The following GBX1 variants were observed in gnomAD, a reference collection of about 807,000 sequenced individuals.
GBX1 encodes the protein homeobox protein GBX-1.
A neutral mutation model predicts 22.9 loss-of-function variants in GBX1; 9 were observed. The ratio of observed to expected loss-of-function variants is 0.39; its 90% CI spans 0.24 to 0.69. GBX1 has a LOEUF of 0.69. Ranked by LOEUF, GBX1 falls within the 30% of genes least tolerant of loss-of-function variation. GBX1 has a pLI of 0.43. For synonymous variants in GBX1, 203 were observed against 227.3 expected, an observed-to-expected ratio of 0.89 and a Z score of 0.96; for missense variants, 494 against 509.2, an observed-to-expected ratio of 0.97 and a Z score of 0.29.
chr7:151,152,525 C>T (rs1221685017), intron 1 of GBX1, among the ~76,000 whole-genome samples: 4 of 152,180 alleles, frequency 2.6e-5, no homozygotes, highest in African/African-American at 7.2e-5. Context: ...AAAAGAATAA[C>T]AAAGGCTTGT....
intron 1 of GBX1, 87 bp downstream of exon 1, chr7:151,166,924 C>G: frequency 7.4e-7 from 1 of 1,358,300 alleles, no homozygotes; most frequent in Non-Finnish European, 1.0e-6. Flanking sequence ...AGGCAGGTGC[C>G]GAGGTGCCGA....
rs2150546685 is a variant in GBX1 at position 151,148,197 on chromosome 7, T to A, written c.*392A>T. Among the ~76,000 whole-genome samples the A allele has an allele frequency of 6.6e-6, 1 of 152,274 alleles. No individual in the cohort carries two copies. The highest frequency in any genetic ancestry group is 2.1e-4 in the South Asian group (1 of 4,822). Reference sequence around the variant, plus strand: ...TACACAAATAAATAAGGAGCTGCGATCTACTTGGCTAGGTATCGCCTGTTC... The same window carrying A: ...TACACAAATAAATAAGGAGCTGCGAACTACTTGGCTAGGTATCGCCTGTTC... On this transcript the variant is annotated 3_prime_UTR_variant, in exon 2 of 2. Transcript: ENST00000297537. The surrounding 1 kb of genome is among the most constrained non-coding windows in gnomAD (Gnocchi z 5.1).
intron 1 of GBX1, among the ~76,000 whole-genome samples, chr7:151,159,145 C>G (rs551979102): frequency 6.6e-6 from 1 of 150,378 alleles, no homozygotes; most frequent in South Asian, 2.1e-4. Context: ...AGTGTAGTGG[C>G]ATGATCTTGG....
At chr7:151,165,002 TAC>T (rs376853331) in intron 1 of GBX1, among the ~76,000 whole-genome samples, 16 of 150,986 alleles carry the variant, frequency 1.1e-4, no homozygotes, top group Admixed American at 8.6e-4. Context: ...CACACACACA[TAC>T]ACACACACAC....
chr7:151,155,029 C>T (rs1448117691), intron 1 of GBX1, among the ~76,000 whole-genome samples: 1 of 152,218 alleles, frequency 6.6e-6, no homozygotes, highest in South Asian at 2.1e-4. Context: ...GTCCCTCATT[C>T]ACCCCATTAC....
At chr7:151,151,914 G>C (rs553299082) in intron 1 of GBX1, among the ~76,000 whole-genome samples, 1 of 152,152 alleles carries the variant, frequency 6.6e-6, no homozygotes, top group East Asian at 1.9e-4. Flanking sequence ...ACCTCTTTCA[G>C]GTCTTTATCA....
chr7:151,164,888 A>C (rs960725992), intron 1 of GBX1, among the ~76,000 whole-genome samples: 1 of 150,854 alleles, frequency 6.6e-6, no homozygotes, highest in African/African-American at 2.4e-5. Flanking sequence ...TCTTTAAAGA[A>C]AATTACTCCT....
At chr7:151,166,122 T>C (rs1801247031) in intron 1 of GBX1, among the ~76,000 whole-genome samples, 1 of 152,164 alleles carries the variant, frequency 6.6e-6, no homozygotes, top group Non-Finnish European at 1.5e-5. Flanking sequence ...AAGAAAGCTT[T>C]TCTGGCTTCT....
chr7:151,154,331 A>G (rs1411985445), intron 1 of GBX1, among the ~76,000 whole-genome samples: 1 of 152,242 alleles, frequency 6.6e-6, no homozygotes, highest in Non-Finnish European at 1.5e-5. Context: ...GCATGAAAAA[A>G]ATTTCCTATG....
intron 1 of GBX1, among the ~76,000 whole-genome samples, chr7:151,155,623 C>T (rs1042189435): frequency 2.6e-5 from 4 of 152,100 alleles, no homozygotes; most frequent in African/African-American, 9.7e-5. Context: ...CTTTACATCA[C>T]TGTCATCCAG....
intron 1 of GBX1, among the ~76,000 whole-genome samples, chr7:151,153,337 G>C (rs1336376579): frequency 2.0e-5 from 3 of 152,222 alleles, no homozygotes; most frequent in Admixed American, 2.0e-4. Context: ...GTAGACTGCA[G>C]TAGCCAAAGA....
At chr7:151,152,355 C>T (rs998691410) in intron 1 of GBX1, among the ~76,000 whole-genome samples, 1 of 152,162 alleles carries the variant, frequency 6.6e-6, no homozygotes, top group African/African-American at 2.4e-5. Flanking sequence ...TCAGAATGCC[C>T]TCAGATCTCA....
chr7:151,148,488 G>A lies in GBX1; in HGVS notation c.*101C>T, dbSNP rs1801038310. 8 of 1,153,416 alleles carry A rather than the reference G, an allele frequency of 6.9e-6. No individual in the cohort carries two copies. The highest frequency in any genetic ancestry group is 9.8e-6 in the Non-Finnish European group (8 of 818,436). 71.4% of individuals were successfully genotyped at this position (1,153,416 alleles called of 1,614,324 possible). A position where few individuals can be genotyped will look rare whatever the true frequency, so the allele number is the denominator to read the frequency against. On this transcript the variant is annotated 3_prime_UTR_variant, in exon 2 of 2. Coordinates refer to ENST00000297537, the MANE Select transcript of GBX1 (RefSeq NM_001098834.3). The surrounding 1 kb of genome is among the most constrained non-coding windows in gnomAD (Gnocchi z 5.1). ...TAATTGCCAACTAGCCCCTCTCAAG[G>A]CAGAATCACAGTTGCAGCCCCTCTG...
chr7:151,151,400 C>A (rs546954198), intron 1 of GBX1, among the ~76,000 whole-genome samples: 1 of 152,316 alleles, frequency 6.6e-6, no homozygotes, highest in African/African-American at 2.4e-5. Flanking sequence ...TCACCCCTAG[C>A]CAAATCTATG....
At chr7:151,165,275 T>C (rs62489632) in intron 1 of GBX1, among the ~76,000 whole-genome samples, 27,887 of 152,206 alleles carry the variant, frequency 0.18, 2,936 homozygotes, top group East Asian at 0.33. Context: ...ATTATACATA[T>C]AGGTCAAAAT....
chr7:151,148,976 C>T lies in GBX1; in HGVS notation c.705G>A (p.Lys235=), dbSNP rs370970805. The stretch of plus-strand genomic sequence containing the variant: ...CTCCAGTCCCCAGGCTTCCCTTTAG[C>T]TTCGGTTTAGGTCCCAGAAGAGCCC... ...GPGALLGPKP[K]LKGSLGTGAE... The change falls in exon 2 of 2, where the codon AAG becomes AAA. Residue 235 remains lysine (K), a synonymous_variant. Transcript: ENST00000297537. The surrounding 1 kb of genome is among the most constrained non-coding windows in gnomAD (Gnocchi z 5.1). 6.2e-7 allele frequency: 1 copy of T among 1,614,114 alleles called. No individual in the cohort carries two copies. Among genetic ancestry groups the T allele is most frequent in the Non-Finnish European group, 8.5e-7 (1 of 1,180,026 alleles).
rs150293545 is a variant in GBX1, at chr7:151,154,631, C to T, written c.539-5489G>A. On this transcript the variant is annotated intron_variant, in intron 1 of 1. Transcript: ENST00000297537. Reference sequence around the variant, plus strand: ...TTCATGTGAATTCTCCTGGTGGATGCTATTATCCTAAAAACTAGAAATCAC... The same window carrying T: ...TTCATGTGAATTCTCCTGGTGGATGTTATTATCCTAAAAACTAGAAATCAC... Among the ~76,000 whole-genome samples, 226 of 152,260 alleles carry T rather than the reference C, an allele frequency of 1.5e-3. 1 individual carries two copies. Among genetic ancestry groups the T allele is most frequent in the African/African-American group, 5.2e-3 (216 of 41,546 alleles).
chr7:151,167,244 G>A lies in GBX1; in HGVS notation c.305C>T (p.Thr102Ile). The A allele has an allele frequency of 6.4e-7, 1 of 1,551,416 alleles. No homozygotes were observed. The highest frequency in any genetic ancestry group is 8.7e-7 in the Non-Finnish European group (1 of 1,150,824). The change falls in exon 1 of 2, where the codon ACC becomes ATC. Residue 102 changes from threonine (T) to isoleucine (I), a missense_variant. Around this residue, in one of 3 missense-constraint regions of GBX1, gnomAD observed 365 missense variants for 340.4 expected, o/e 1.07. Transcript: ENST00000297537. This position sits in a 1 kb window ranked among gnomAD's most constrained non-coding sequence, Gnocchi z 5.9. ...CTCCGCGAAGCTGGGCAGCGCGGTGGTCAGCGCCACCATCGAGGGCACAGC... is the reference window on the plus strand; with the variant it reads ...CTCCGCGAAGCTGGGCAGCGCGGTGATCAGCGCCACCATCGAGGGCACAGC... ...GQAVPSMVAL[T>I]TALPSFAEPP...
intron 1 of GBX1, among the ~76,000 whole-genome samples, chr7:151,164,819 G>T (rs1801231869): frequency 8.3e-6 from 1 of 120,748 alleles, no homozygotes. Flanking sequence ...TTCCTCGGAT[G>T]ATGAAGCTCT....
Sources: gnomAD v4.1 joint callset for allele counts (sites outside exome capture counted in the v4.1 genomes callset) on GRCh38, gnomAD v4.1.1 for gene constraint, gnomAD v4.1.1 regional missense constraint, Gnocchi (gnomAD v3.1) non-coding constraint, MANE v1.5 for transcripts, NCBI Gene and HGNC (gene_info 2026-07-23, HGNC 2026-07-21) for gene names.